The following HPSE2 variants were observed in gnomAD, a reference collection of about 807,000 sequenced individuals.
HPSE2 encodes the protein heparanase 2 (inactive).
A neutral mutation model predicts 60.5 loss-of-function variants in HPSE2; 38 were observed. The observed-to-expected ratio is 0.63, with a 90% CI of 0.48 to 0.82. HPSE2 has a LOEUF of 0.82. Ranked by LOEUF, HPSE2 falls within the 40% of genes least tolerant of loss-of-function variation. HPSE2 has a pLI of 0.00. For synonymous variants in HPSE2, 295 were observed against 293.2 expected (o/e 1.01, Z -0.06); for missense variants, 713 against 740.4 (o/e 0.96, Z 0.43).
chr10:99,172,889 G>A (rs1049383782), intron 2 of HPSE2, among the ~76,000 whole-genome samples: 2 of 151,910 alleles, frequency 1.3e-5, no homozygotes, highest in Non-Finnish European at 2.9e-5. Flanking sequence ...AAAAGAAGAA[G>A]AAGAAAAAGA....
At chr10:98,741,610 C>G (rs987361597) in intron 4 of HPSE2, among the ~76,000 whole-genome samples, 5 of 152,034 alleles carry the variant, frequency 3.3e-5, no homozygotes, top group South Asian at 4.2e-4. Context: ...TTCAGAGATG[C>G]CAAAAACCCT....
chr10:98,848,822 TTC>T (rs1401602801), intron 3 of HPSE2, among the ~76,000 whole-genome samples: 1 of 152,174 alleles, frequency 6.6e-6, no homozygotes. Context: ...TTCCTACACC[TTC>T]TCTTTTTCCT....
intron 3 of HPSE2, chr10:99,013,392 T>C (rs1244105398): frequency 3.6e-6 from 2 of 556,570 alleles, no homozygotes; most frequent in East Asian, 4.1e-5. Flanking sequence ...TCTGTGTTAG[T>C]ATAGTAAGTG....
At chr10:99,136,730 G>C (rs1449765391) in intron 3 of HPSE2, among the ~76,000 whole-genome samples, 1 of 152,112 alleles carries the variant, frequency 6.6e-6, no homozygotes, top group Non-Finnish European at 1.5e-5. Context: ...GGGTATTGAT[G>C]GAACATATCT....
At chr10:98,476,727 T>C (rs1271346192) in intron 11 of HPSE2, among the ~76,000 whole-genome samples, 1 of 151,706 alleles carries the variant, frequency 6.6e-6, no homozygotes, top group Non-Finnish European at 1.5e-5. Context: ...GGGGCAGAGG[T>C]TGCAGTGAGC....
At chr10:99,305,979 G>GCACACACACACACACACACACACACA in the HPSE2 span, among the ~76,000 whole-genome samples, 229 of 80,534 alleles carry the variant, frequency 2.8e-3, 8 homozygotes, top group African/African-American at 0.011. Flanking sequence ...GCGCGCGCGC[G>GCACACACACACACACACACACACACA]CACACACACA....
chr10:98,749,367 T>C (rs1384561376), intron 3 of HPSE2, among the ~76,000 whole-genome samples: 1 of 151,774 alleles, frequency 6.6e-6, no homozygotes, highest in Non-Finnish European at 1.5e-5. Flanking sequence ...TATGCATGCA[T>C]ATATATCTAT....
chr10:99,077,746 C>A (rs561637333), intron 3 of HPSE2, among the ~76,000 whole-genome samples: 1 of 151,882 alleles, frequency 6.6e-6, no homozygotes, highest in Non-Finnish European at 1.5e-5. Context: ...GTACTACACA[C>A]ACACAAATTT....
intron 5 of HPSE2, among the ~76,000 whole-genome samples, chr10:98,716,944 A>T (rs1372474729): frequency 3.3e-5 from 5 of 151,982 alleles, no homozygotes; most frequent in Non-Finnish European, 7.4e-5. Flanking sequence ...AACATAATTC[A>T]TAGAGACCCT....
intron 3 of HPSE2, among the ~76,000 whole-genome samples, chr10:98,835,574 C>A (rs1196123436): frequency 1.3e-5 from 2 of 151,832 alleles, no homozygotes; most frequent in Non-Finnish European, 2.9e-5. Context: ...AGGTATTTAC[C>A]TTATAATAAC....
the HPSE2 span, among the ~76,000 whole-genome samples, chr10:99,255,780 C>T: frequency 1.6e-4 from 24 of 152,276 alleles, no homozygotes; most frequent in African/African-American, 5.8e-4. Flanking sequence ...ATGGTTTGAA[C>T]ATGCCTCCAC....
chr10:98,927,836 T>C (rs2135095353), intron 3 of HPSE2, among the ~76,000 whole-genome samples: 1 of 150,634 alleles, frequency 6.6e-6, no homozygotes. Flanking sequence ...CAAAAATCAA[T>C]TCAAGATGGA....
intron 2 of HPSE2, among the ~76,000 whole-genome samples, chr10:99,160,515 T>A (rs1293610894): frequency 6.6e-6 from 1 of 152,178 alleles, no homozygotes; most frequent in East Asian, 1.9e-4. Flanking sequence ...AACACATTGG[T>A]AGTTTCTTAA....
At chr10:99,286,068 GAGA>G in the HPSE2 span, among the ~76,000 whole-genome samples, 1 of 152,156 alleles carries the variant, frequency 6.6e-6, no homozygotes, top group Non-Finnish European at 1.5e-5. Context: ...GAGAGAGAGA[GAGA>G]AGAAATATTG....
At chr10:98,986,756 AAAG>A (rs1285037998) in intron 3 of HPSE2, among the ~76,000 whole-genome samples, 1 of 151,858 alleles carries the variant, frequency 6.6e-6, no homozygotes, top group Admixed American at 6.6e-5. Flanking sequence ...CTAGACTAAT[AAAG>A]AAGAAAAGAG....
At chr10:98,887,731 T>A (rs1392036571) in intron 3 of HPSE2, among the ~76,000 whole-genome samples, 1 of 151,900 alleles carries the variant, frequency 6.6e-6, no homozygotes, top group Non-Finnish European at 1.5e-5. Context: ...ATAAGAGAAG[T>A]TGCATGGGTG....
intron 9 of HPSE2, among the ~76,000 whole-genome samples, chr10:98,516,029 T>C (rs1441745443): frequency 6.6e-6 from 1 of 152,184 alleles, no homozygotes; most frequent in African/African-American, 2.4e-5. Flanking sequence ...CTGATCTCCA[T>C]CCCTTACAGC....
chr10:99,165,528 C>T (rs1019514519), intron 2 of HPSE2, among the ~76,000 whole-genome samples: 9 of 98,868 alleles, frequency 9.1e-5, no homozygotes, highest in South Asian at 4.4e-4. Flanking sequence ...CATTTATTTA[C>T]GTATTTATTT....
intron 4 of HPSE2, among the ~76,000 whole-genome samples, chr10:98,738,768 C>G (rs1232045135): frequency 2.0e-5 from 3 of 152,126 alleles, no homozygotes; most frequent in African/African-American, 7.2e-5. Context: ...AAAACCACAA[C>G]AAGATACTAT....
Sources: gnomAD v4.1 joint callset for allele counts (sites outside exome capture counted in the v4.1 genomes callset) on GRCh38, gnomAD v4.1.1 for gene constraint, MANE v1.5 for transcripts, NCBI Gene and HGNC (gene_info 2026-07-23, HGNC 2026-07-21) for gene names.